AGO3: variants seen among roughly 807,000 people sequenced by gnomAD.
AGO3 encodes the protein argonaute RISC catalytic component 3.
A neutral mutation model predicts 105.5 loss-of-function variants in AGO3; 16 were observed. The observed-to-expected ratio is 0.15, with a 90% CI of 0.10 to 0.23. The LOEUF (loss-of-function observed/expected upper bound fraction) is 0.23, where lower values mean the gene tolerates loss of function less well. Ranked by LOEUF, AGO3 falls within the 10% of genes least tolerant of loss-of-function variation. The pLI, the probability that AGO3 is intolerant of heterozygous loss-of-function variation, is 1.00. For synonymous variants in AGO3, 340 were observed against 367.3 expected (o/e 0.93, Z 0.85); for missense variants, 534 against 1,088.0 (o/e 0.49, Z 7.16).
rs185630706 is a variant in AGO3 at position 36,044,862 on chromosome 1, A to G, written c.2274+1314A>G. ...TAAATCAGTGCATCTCAAACTTTCC[A>G]ACAACAAAAAGTAAACTGACATTCC... is the stretch of plus-strand genomic sequence containing the variant. On this transcript the variant is annotated intron_variant, in intron 17 of 18. Transcript: ENST00000373191. Among the ~76,000 whole-genome samples, 396 of 152,294 alleles carry G rather than the reference A, an allele frequency of 2.6e-3. 2 individuals are homozygous for G. Among genetic ancestry groups the G allele is most frequent in the African/African-American group, 9.2e-3 (382 of 41,564 alleles).
intron 13 of AGO3, 49 bp from the exon 14 acceptor site, chr1:36,036,128 G>A (rs977774050): frequency 1.3e-6 from 2 of 1,552,690 alleles, no homozygotes. Context: ...ACAGATAAAT[G>A]GATACTGAAA....
intron 2 of AGO3, among the ~76,000 whole-genome samples, chr1:35,962,542 C>CA (rs1004307116): frequency 0.019 from 1,716 of 91,828 alleles, 12 homozygotes; most frequent in East Asian, 0.024. Flanking sequence ...GACTCCCTCT[C>CA]AAAAAAAAAA....
Position 36,040,384 on chromosome 1 carries a change from C to T in AGO3, c.2115C>T (p.Tyr705=). ...LEKDYQPGIT[Y]IVVQKRHHTR... Reference sequence around the variant, plus strand: ...AAGACTATCAACCTGGAATAACCTACATTGTAGTTCAGAAGAGACATCACA... The same window carrying T: ...AAGACTATCAACCTGGAATAACCTATATTGTAGTTCAGAAGAGACATCACA... Residue 705 remains tyrosine (Y), a synonymous_variant, in exon 16 of 19, where the codon TAC becomes TAT. Transcript: ENST00000373191. 6.2e-7 allele frequency: 1 copy of T among 1,614,000 alleles called. No homozygotes were observed. The highest frequency in any genetic ancestry group is 8.5e-7 in the Non-Finnish European group (1 of 1,179,924).
At chr1:35,954,276 C>T (rs934960783) in intron 2 of AGO3, among the ~76,000 whole-genome samples, 77 of 152,052 alleles carry the variant, frequency 5.1e-4, no homozygotes, top group African/African-American at 1.8e-3. Context: ...AAATACAATA[C>T]TAAGTAGAAA....
At chr1:35,953,659 T>TA (rs1274722640) in intron 2 of AGO3, among the ~76,000 whole-genome samples, 1 of 110,104 alleles carries the variant, frequency 9.1e-6, no homozygotes, top group Non-Finnish European at 1.6e-5. Flanking sequence ...CCAAGTAGCA[T>TA]ACCACCATGC....
intron 1 of AGO3, among the ~76,000 whole-genome samples, chr1:35,937,401 A>G (rs1040268019): frequency 1.3e-5 from 2 of 151,460 alleles, no homozygotes; most frequent in Non-Finnish European, 2.9e-5. Flanking sequence ...AAAAAAAAAA[A>G]TTGTTTCCCA....
At chr1:35,957,829 G>A (rs188949707) in intron 2 of AGO3, among the ~76,000 whole-genome samples, 1 of 152,206 alleles carries the variant, frequency 6.6e-6, no homozygotes, top group African/African-American at 2.4e-5. Context: ...ACTTTGGGAG[G>A]CCAAGGCAGG....
At chr1:35,955,567 A>G (rs1646549307) in intron 2 of AGO3, among the ~76,000 whole-genome samples, 1 of 152,004 alleles carries the variant, frequency 6.6e-6, no homozygotes, top group African/African-American at 2.4e-5. Context: ...CTGAAAATGA[A>G]TGAACGAGAG....
rs539395965 is a variant in AGO3 at position 36,037,300 on chromosome 1, T to C, written c.1842+1033T>C. 6.6e-5 allele frequency among the ~76,000 whole-genome samples: 10 copies of C among 151,994 alleles called. No individual in the cohort carries two copies. The East Asian group carries it at 1.6e-3, about 24-fold the overall frequency. On this transcript the variant is annotated intron_variant, in intron 14 of 18. Transcript: ENST00000373191. Reference sequence around the variant, plus strand: ...TTTGGGAGGCTGAGGCGGGGGTGGATCGCTTGACGTCAGGAGTTCAAGACC... The same window carrying C: ...TTTGGGAGGCTGAGGCGGGGGTGGACCGCTTGACGTCAGGAGTTCAAGACC...
At chr1:36,026,352 C>T (rs961057013) in intron 11 of AGO3, among the ~76,000 whole-genome samples, 1 of 152,156 alleles carries the variant, frequency 6.6e-6, no homozygotes, top group African/African-American at 2.4e-5. Flanking sequence ...AAGTGATCCT[C>T]CTGCCTCAGC....
rs1009399977 is a variant in AGO3, at chr1:36,066,454, G to T, written c.*10709G>T. On this transcript the variant is annotated 3_prime_UTR_variant, in exon 19 of 19. Transcript: ENST00000373191. The stretch of plus-strand genomic sequence containing the variant: ...GGGCGCCTGTAATCCCAGCTACTCG[G>T]GAGGCTGAGGCGAGAGAATCGTTTG... 4 of 152,102 alleles carry T rather than the reference G, an allele frequency of 2.6e-5. No homozygotes were observed. The highest frequency in any genetic ancestry group is 5.9e-5 in the Non-Finnish European group (4 of 68,056). 9.4% of individuals were successfully genotyped at this position (152,102 alleles called of 1,614,324 possible). A position where few individuals can be genotyped will look rare whatever the true frequency, so the allele number is the denominator to read the frequency against.
chr1:36,048,434 G>A (rs1196315601), intron 17 of AGO3, among the ~76,000 whole-genome samples: 1 of 151,934 alleles, frequency 6.6e-6, no homozygotes, highest in Non-Finnish European at 1.5e-5. Flanking sequence ...AATGTTCGAG[G>A]GAGGCAAAAA....
rs890237995 is a variant in AGO3 at position 36,008,490 on chromosome 1, A to G, written c.794-200A>G. Reference sequence around the variant, plus strand: ...GTAGAGCTTGATGGGGTAAGGAAAAATTTTGCCATTAGGTCTGTCATGACT... The same window carrying G: ...GTAGAGCTTGATGGGGTAAGGAAAAGTTTTGCCATTAGGTCTGTCATGACT... On this transcript the variant is annotated intron_variant, in intron 6 of 18. Transcript: ENST00000373191. This position sits in a 1 kb window ranked among gnomAD's most constrained non-coding sequence, Gnocchi z 5.1. Among the ~76,000 whole-genome samples, 1 of 145,638 alleles carries G rather than the reference A, an allele frequency of 6.9e-6. No homozygotes were observed. Among genetic ancestry groups the G allele is most frequent in the Non-Finnish European group, 1.5e-5 (1 of 65,208 alleles).
chr1:35,945,016 G>A (rs371870233), intron 1 of AGO3, among the ~76,000 whole-genome samples: 19 of 151,588 alleles, frequency 1.3e-4, no homozygotes, highest in Admixed American at 3.9e-4. Flanking sequence ...GTTGCCCATG[G>A]TGGTCTCAAA....
intron 1 of AGO3, among the ~76,000 whole-genome samples, chr1:35,943,539 GATCCA>G (rs1397559608): frequency 1.3e-5 from 2 of 150,646 alleles, no homozygotes; most frequent in Non-Finnish European, 3.0e-5. Flanking sequence ...AACCTCAGGT[GATCCA>G]CCTGCCTTGG....
chr1:35,993,738 CTTTTTTTTTTTTTTT>C (rs141978570), intron 5 of AGO3, among the ~76,000 whole-genome samples: 1 of 90,780 alleles, frequency 1.1e-5, no homozygotes, highest in East Asian at 3.0e-4. Flanking sequence ...CCACCCCCTG[CTTTTTTTTTTTTTTT>C]TTTTTTTTTT....
intron 5 of AGO3, among the ~76,000 whole-genome samples, chr1:35,991,554 A>T (rs920642707): frequency 1.1e-4 from 16 of 144,564 alleles, no homozygotes; most frequent in East Asian, 1.9e-4. Context: ...TATATATATA[A>T]AATATATAAT....
At chr1:35,936,244 TAGCCAC>T (rs1646143615) in intron 1 of AGO3, among the ~76,000 whole-genome samples, 1 of 151,912 alleles carries the variant, frequency 6.6e-6, no homozygotes, top group Non-Finnish European at 1.5e-5. Context: ...TTTCTTTGGC[TAGCCAC>T]TGCTTAAAAA....
chr1:35,948,701 G>A (rs1366240816), intron 2 of AGO3, among the ~76,000 whole-genome samples: 1 of 152,056 alleles, frequency 6.6e-6, no homozygotes, highest in African/African-American at 2.4e-5. Context: ...AATGTATTAA[G>A]TTTGTGAGAA....
Sources: allele counts gnomAD v4.1 joint callset (sites outside exome capture counted in the v4.1 genomes callset), GRCh38; gene constraint gnomAD v4.1.1; non-coding constraint Gnocchi (gnomAD v3.1); transcripts MANE v1.5; gene names NCBI Gene and HGNC (gene_info 2026-07-23, HGNC 2026-07-21).